The following TENM1 variants were observed in gnomAD, a reference collection of about 807,000 sequenced individuals.
TENM1 encodes teneurin-1.
In TENM1, 35 loss-of-function variants were observed where a neutral mutation model predicts 174.8. The ratio of observed to expected loss-of-function variants is 0.20; its 90% CI spans 0.15 to 0.27. The LOEUF is 0.27. TENM1 is among the 10% of genes least tolerant of loss of function. The pLI, the probability that TENM1 is intolerant of heterozygous loss-of-function variation, is 1.00. For synonymous variants in TENM1, 781 were observed against 798.7 expected (o/e 0.98, Z 0.37); for missense variants, 1,633 against 2,130.1 (o/e 0.77, Z 4.59).
At chrX:125,151,911 G>T in the TENM1 span, among the ~76,000 whole-genome samples, 4 of 111,448 alleles carry the variant, frequency 3.6e-5, no homozygotes, top group African/African-American at 1.3e-4. Flanking sequence ...TGAATATATC[G>T]ATACTTCATA....
At chrX:124,761,937 T>C (rs1169100129) in intron 3 of TENM1, among the ~76,000 whole-genome samples, 1 of 112,342 alleles carries the variant, frequency 8.9e-6, no homozygotes, top group African/African-American at 3.2e-5. Flanking sequence ...ATTTAAATTT[T>C]ATTTTTTCAT....
At chrX:124,482,667 A>G (rs2046870538) in intron 21 of TENM1, among the ~76,000 whole-genome samples, 1 of 112,097 alleles carries the variant, frequency 8.9e-6, no homozygotes, top group South Asian at 3.7e-4. Context: ...TATACCTCCT[A>G]AAAGTGACCC....
chrX:125,002,040 A>T, the TENM1 span, among the ~76,000 whole-genome samples: 14 of 110,304 alleles, frequency 1.3e-4, 1 homozygote, highest in Admixed American at 1.4e-3. Context: ...TTCCAGAATG[A>T]CTCAACTGAT....
chrX:124,805,322 T>C (rs945438521), intron 3 of TENM1, among the ~76,000 whole-genome samples: 14 of 111,930 alleles, frequency 1.3e-4, no homozygotes, highest in African/African-American at 4.2e-4. Context: ...TGAGGAGTCA[T>C]AGAAAATAAC....
chrX:124,979,369 T>C, the TENM1 span, among the ~76,000 whole-genome samples: 2 of 112,020 alleles, frequency 1.8e-5, no homozygotes, highest in Admixed American at 1.9e-4. Flanking sequence ...AGTCAGAAGT[T>C]CTGCCCAAAT....
At chrX:125,060,131 T>A in the TENM1 span, among the ~76,000 whole-genome samples, 1 of 107,885 alleles carries the variant, frequency 9.3e-6, no homozygotes, top group Non-Finnish European at 1.9e-5. Context: ...AATTTTTCTC[T>A]CTCCCCCAAC....
At chrX:124,827,140 TC>T (rs2056182326) in intron 3 of TENM1, among the ~76,000 whole-genome samples, 1 of 111,546 alleles carries the variant, frequency 9.0e-6, no homozygotes, top group Admixed American at 9.6e-5. Flanking sequence ...AGCCTCCGCC[TC>T]CCTGGTTCAA....
rs1276607931 is a variant in TENM1 at position 124,565,566 on chromosome X, G to A, written c.2078-6C>T. Reference sequence around the variant, plus strand: ...ACACTCCATGGTACACAGCTCTGTGGGGAATTCAAAGAAGACATATTAACA... The same window carrying A: ...ACACTCCATGGTACACAGCTCTGTGAGGAATTCAAAGAAGACATATTAACA... On this transcript the variant is annotated splice_region_variant and splice_polypyrimidine_tract_variant and intron_variant, in intron 11 of 31. Transcript: ENST00000422452. 2 of 1,130,907 alleles carry A rather than the reference G, an allele frequency of 1.8e-6. No homozygotes were observed. 93.2% of individuals were successfully genotyped at this position (1,130,907 alleles called of 1,213,427 possible).
intron 15 of TENM1, among the ~76,000 whole-genome samples, chrX:124,539,763 G>A (rs1441264528): frequency 9.0e-6 from 1 of 111,180 alleles, no homozygotes; most frequent in Non-Finnish European, 1.9e-5. Flanking sequence ...AAAGGATGAT[G>A]AAACTGTTTG....
At position 124,427,163 on chromosome X, in the gene TENM1, C is replaced by T. The variant is rs184520581; in HGVS notation, c.4105-4525G>A. 5.3e-5 allele frequency among the ~76,000 whole-genome samples: 6 copies of T among 112,204 alleles called. No individual in the cohort carries two copies. The Admixed American group carries it at 5.6e-4, about 11-fold the overall frequency. On this transcript the variant is annotated intron_variant, in intron 23 of 31. Coordinates refer to ENST00000422452, the Ensembl canonical transcript of TENM1. ...GAAAAAACAAACCTGGCAGAAATGA[C>T]GTTCTAATTATCCCCACTCTGGGAG...
chrX:125,127,572 T>C, the TENM1 span, among the ~76,000 whole-genome samples: 1 of 111,727 alleles, frequency 9.0e-6, no homozygotes, highest in Non-Finnish European at 1.9e-5. Flanking sequence ...AGTATGTTTG[T>C]TGAACATTGT....
the TENM1 span, among the ~76,000 whole-genome samples, chrX:124,975,500 T>A: frequency 8.9e-6 from 1 of 111,973 alleles, no homozygotes; most frequent in Non-Finnish European, 1.9e-5. Context: ...AAGATATAAC[T>A]TTCTTCTAGA....
chrX:124,768,236 G>A (rs2054576026), intron 3 of TENM1, among the ~76,000 whole-genome samples: 1 of 112,150 alleles, frequency 8.9e-6, no homozygotes, highest in Non-Finnish European at 1.9e-5. Context: ...CTACTGTTGT[G>A]TATCTATGCT....
chrX:124,666,387 G>A (rs1047875822), intron 6 of TENM1, among the ~76,000 whole-genome samples: 10 of 111,282 alleles, frequency 9.0e-5, no homozygotes, highest in Non-Finnish European at 1.5e-4. Flanking sequence ...GACTTTACCT[G>A]AGCCTTAATG....
rs1191680937 is a variant in TENM1 at position 124,742,029 on chromosome X, T to A, written c.536-4832A>T. On this transcript the variant is annotated intron_variant, in intron 3 of 31. Transcript: ENST00000422452. ...AATAATTTTCGGTAGGTGTTAAAAA[T>A]AAATATTGTCAGTATTACAGTAATG... 2.7e-5 allele frequency among the ~76,000 whole-genome samples: 3 copies of A among 112,193 alleles called. No individual in the cohort carries two copies. In the East Asian group the frequency reaches 8.3e-4, roughly 31 times the overall value.
rs764672673 is a variant in TENM1, at chrX:124,675,257, A to G, written c.1016-3422T>C. On this transcript the variant is annotated intron_variant, in intron 5 of 31. Coordinates refer to ENST00000422452, the Ensembl canonical transcript of TENM1. ...CACAGACAGGTATCATGGCAAGGCT[A>G]CTGGCCTTTTATTTCTTCCAAACAT... Among the ~76,000 whole-genome samples, 4 of 111,910 alleles carry G rather than the reference A, an allele frequency of 3.6e-5. No individual in the cohort carries two copies. In the South Asian group the frequency reaches 1.5e-3, roughly 41 times the overall value.
intron 15 of TENM1, among the ~76,000 whole-genome samples, chrX:124,543,051 A>T (rs1005587865): frequency 8.9e-6 from 1 of 112,299 alleles, no homozygotes; most frequent in East Asian, 2.8e-4. Flanking sequence ...GAAATCACAA[A>T]CTCAAATGCC....
intron 27 of TENM1, among the ~76,000 whole-genome samples, chrX:124,402,571 T>C (rs2060412156): frequency 8.9e-6 from 1 of 112,507 alleles, no homozygotes; most frequent in African/African-American, 3.2e-5. Context: ...TTACAGTTTA[T>C]AGTTTCTCTC....
chrX:124,415,788 T>TCAC (rs1392006275), intron 25 of TENM1, among the ~76,000 whole-genome samples: 10 of 111,366 alleles, frequency 9.0e-5, no homozygotes, highest in Admixed American at 8.6e-4. Context: ...TGGACCCCAT[T>TCAC]CACCGTGAGA....
Sources: allele counts gnomAD v4.1 joint callset (sites outside exome capture counted in the v4.1 genomes callset), GRCh38; gene constraint gnomAD v4.1.1; transcripts MANE v1.5; gene names NCBI Gene and HGNC (gene_info 2026-07-23, HGNC 2026-07-21).